RPH3A: variants seen among roughly 807,000 people sequenced by gnomAD.
RPH3A encodes rabphilin 3A, also known as rabphilin-3A.
Under a neutral mutation model 102.2 loss-of-function variants are expected in RPH3A, and 48 were observed. That is an observed-to-expected ratio of 0.47 (90% CI 0.37 to 0.60). The LOEUF (loss-of-function observed/expected upper bound fraction) is 0.60. RPH3A is among the 20% of genes least tolerant of loss of function. The pLI is 0.00. For missense variants in RPH3A, 781 were observed against 910.1 expected, an observed-to-expected ratio of 0.86 and a Z score of 1.83; for synonymous variants, 310 against 324.3, an observed-to-expected ratio of 0.96 and a Z score of 0.47.
At chr12:112,848,307 A>G (rs7313560) in intron 5 of RPH3A, among the ~76,000 whole-genome samples, 24,999 of 152,116 alleles carry the variant, frequency 0.16, 4,236 homozygotes, top group African/African-American at 0.43. Flanking sequence ...GAGAGTAGGT[A>G]AAAAAGAGTG....
At chr12:112,591,376 C>T (rs1002841750) in intron 1 of RPH3A, among the ~76,000 whole-genome samples, 2 of 152,234 alleles carry the variant, frequency 1.3e-5, no homozygotes, top group African/African-American at 4.8e-5. Flanking sequence ...GTGTGTGAGC[C>T]ACTGCACTGG....
chr12:112,840,663 G>C (rs147921897), intron 4 of RPH3A, among the ~76,000 whole-genome samples: 5 of 152,312 alleles, frequency 3.3e-5, no homozygotes, highest in African/African-American at 9.6e-5. Flanking sequence ...GCTTGCATAG[G>C]TTCAGACCAG....
chr12:112,703,289 C>A (rs1816074446), intron 1 of RPH3A, among the ~76,000 whole-genome samples: 2 of 152,104 alleles, frequency 1.3e-5, no homozygotes. Flanking sequence ...TGTTACACAG[C>A]ATATTGTGGC....
rs527534489 is a variant in RPH3A, at chr12:112,844,609, TGTTA to T, written c.84-3083_84-3080del. Among the ~76,000 whole-genome samples, 9 of 152,244 alleles carry T rather than the reference TGTTA, an allele frequency of 5.9e-5. No individual in the cohort carries two copies. The South Asian group carries it at 1.9e-3, about 32-fold the overall frequency. On this transcript the variant is annotated intron_variant, in intron 4 of 21. Coordinates refer to ENST00000389385, the MANE Select transcript of RPH3A (RefSeq NM_001143854.2). ...TAGAAACTGTGAGAAAACAAATGTGTGTTAGTTTAAGCCCCCACATTTGTAAGAA... is the reference window on the plus strand; with the variant it reads ...TAGAAACTGTGAGAAAACAAATGTGTGTTTAAGCCCCCACATTTGTAAGAA...
intron 1 of RPH3A, among the ~76,000 whole-genome samples, chr12:112,716,254 C>T (rs1489347488): frequency 6.6e-6 from 1 of 152,100 alleles, no homozygotes; most frequent in Non-Finnish European, 1.5e-5. Context: ...GGAATGCAGC[C>T]CAGTAGGTCT....
At chr12:112,706,604 G>A (rs1399419232) in intron 1 of RPH3A, among the ~76,000 whole-genome samples, 2 of 152,162 alleles carry the variant, frequency 1.3e-5, no homozygotes, top group African/African-American at 2.4e-5. Context: ...ACAGAGCCTT[G>A]AATAACGCAT....
At chr12:112,596,565 G>A (rs989976480) in intron 1 of RPH3A, among the ~76,000 whole-genome samples, 1 of 152,150 alleles carries the variant, frequency 6.6e-6, no homozygotes, top group Non-Finnish European at 1.5e-5. Context: ...TCAGGACTTA[G>A]TATTGTTCTA....
intron 1 of RPH3A, among the ~76,000 whole-genome samples, chr12:112,781,374 A>T (rs1376248634): frequency 6.6e-6 from 1 of 152,132 alleles, no homozygotes; most frequent in African/African-American, 2.4e-5. Context: ...CGTCTGATTG[A>T]ACACGACTGT....
intron 2 of RPH3A, among the ~76,000 whole-genome samples, chr12:112,825,812 A>G (rs1280710559): frequency 4.6e-5 from 7 of 152,172 alleles, no homozygotes; most frequent in Non-Finnish European, 7.3e-5. Context: ...ACTTATATTA[A>G]ATTGGGGTAG....
At chr12:112,677,646 A>G (rs1490535829) in intron 1 of RPH3A, among the ~76,000 whole-genome samples, 1 of 151,546 alleles carries the variant, frequency 6.6e-6, no homozygotes, top group Non-Finnish European at 1.5e-5. Context: ...TTGTTTGACA[A>G]CCTAAGCCTC....
rs377368842 is a variant in RPH3A at position 112,856,240 on chromosome 12, G to A, written c.230+8398G>A. Among the ~76,000 whole-genome samples, 25 of 152,314 alleles carry A rather than the reference G, an allele frequency of 1.6e-4. No homozygotes were observed. The South Asian group carries it at 4.1e-3, about 25-fold the overall frequency. The stretch of plus-strand genomic sequence containing the variant: ...CATCCATTAACCTTTTCCTCGACAC[G>A]CATCAAGATGTTGCAGCAGTACGGG... On this transcript the variant is annotated intron_variant, in intron 5 of 21. Transcript: ENST00000389385.
At chr12:112,645,936 T>C (rs2039926838) in intron 1 of RPH3A, among the ~76,000 whole-genome samples, 1 of 152,144 alleles carries the variant, frequency 6.6e-6, no homozygotes, top group South Asian at 2.1e-4. Flanking sequence ...GCTCTGACAC[T>C]AGCTATGGCA....
At chr12:112,731,207 G>GT (rs2136048902) in intron 1 of RPH3A, among the ~76,000 whole-genome samples, 1 of 151,394 alleles carries the variant, frequency 6.6e-6, no homozygotes, top group Admixed American at 6.6e-5. Flanking sequence ...GTGTGTGTGT[G>GT]GATCAGAGAA....
chr12:112,727,767 T>C (rs1180420785), intron 1 of RPH3A, among the ~76,000 whole-genome samples: 1 of 152,130 alleles, frequency 6.6e-6, no homozygotes, highest in Non-Finnish European at 1.5e-5. Context: ...AGGTTAAACC[T>C]TGCCTGAAGA....
upstream of RPH3A, among the ~76,000 whole-genome samples, chr12:112,788,645 G>T (rs113446921): frequency 3.9e-5 from 6 of 152,354 alleles, 2 homozygotes; most frequent in African/African-American, 1.4e-4. Context: ...CATGGCAAGT[G>T]TCTAGGTATG....
intron 16 of RPH3A, among the ~76,000 whole-genome samples, chr12:112,885,569 C>G (rs1325864978): frequency 6.6e-6 from 1 of 152,142 alleles, no homozygotes; most frequent in Non-Finnish European, 1.5e-5. Flanking sequence ...TTGTGACAAA[C>G]ATCTTTGTAG....
At chr12:112,700,025 G>A (rs970700289) in intron 1 of RPH3A, among the ~76,000 whole-genome samples, 2 of 151,900 alleles carry the variant, frequency 1.3e-5, no homozygotes, top group East Asian at 3.9e-4. Flanking sequence ...CATTTCCAAG[G>A]AGAACAAGCC....
chr12:112,735,098 G>A (rs997143851), intron 1 of RPH3A, among the ~76,000 whole-genome samples: 6 of 152,172 alleles, frequency 3.9e-5, no homozygotes, highest in South Asian at 2.1e-4. Flanking sequence ...CTCCCAAACC[G>A]AAACTCTTCT....
chr12:112,653,644 T>C (rs2039992039), intron 1 of RPH3A, among the ~76,000 whole-genome samples: 1 of 152,144 alleles, frequency 6.6e-6, no homozygotes, highest in Non-Finnish European at 1.5e-5. Flanking sequence ...AAAAAACCCT[T>C]TTATTTTAGG....
Sources: allele counts gnomAD v4.1 joint callset (sites outside exome capture counted in the v4.1 genomes callset), GRCh38; gene constraint gnomAD v4.1.1; transcripts MANE v1.5; gene names NCBI Gene and HGNC (gene_info 2026-07-23, HGNC 2026-07-21).